The following DOCK4 variants were observed in gnomAD, a reference collection of about 807,000 sequenced individuals.
DOCK4 encodes dedicator of cytokinesis protein 4.
In DOCK4, 97 loss-of-function variants were observed where a neutral mutation model predicts 268.1. That is an observed-to-expected ratio of 0.36 (90% confidence interval 0.31 to 0.43). DOCK4 has a LOEUF of 0.43. Among genes scored for constraint, DOCK4 ranks in the 20% least tolerant of loss-of-function variants. The pLI is 1.00. For synonymous variants in DOCK4, 954 were observed against 887.2 expected, an observed-to-expected ratio of 1.08 and a Z score of -1.34; for missense variants, 2,145 against 2,455.7, an observed-to-expected ratio of 0.87 and a Z score of 2.67.
chr7:111,770,549 G>T (rs764767238), intron 36 of DOCK4, among the ~76,000 whole-genome samples: 1 of 152,142 alleles, frequency 6.6e-6, no homozygotes, highest in African/African-American at 2.4e-5. Flanking sequence ...TATTTGACAG[G>T]ATACTTGCCA....
intron 22 of DOCK4, among the ~76,000 whole-genome samples, chr7:111,865,047 G>T (rs908393321): frequency 2.0e-5 from 3 of 152,198 alleles, no homozygotes; most frequent in African/African-American, 7.2e-5. Flanking sequence ...AGTTTTTACT[G>T]CAAGTGAAAA....
chr7:111,823,784 C>G (rs1013387733), intron 26 of DOCK4, among the ~76,000 whole-genome samples: 2 of 152,046 alleles, frequency 1.3e-5, no homozygotes, highest in Admixed American at 6.6e-5. Flanking sequence ...TAAAAAGCAA[C>G]CCCAAACACA....
At chr7:112,018,179 A>AAAAAAAAAAAAACACACAC in intron 1 of DOCK4, among the ~76,000 whole-genome samples, 1 of 72,590 alleles carries the variant, frequency 1.4e-5, no homozygotes, top group African/African-American at 5.4e-5. Context: ...AAAAAAAAAA[A>AAAAAAAAAAAAACACACAC]ACACAGGCAA....
chr7:112,194,843 T>G (rs1820274254), intron 1 of DOCK4, among the ~76,000 whole-genome samples: 1 of 152,232 alleles, frequency 6.6e-6, no homozygotes, highest in Non-Finnish European at 1.5e-5. Context: ...TACAATAATT[T>G]CTACATAGTG....
chr7:112,055,909 TA>T lies in DOCK4; in HGVS notation c.38-51779del, dbSNP rs1230725517. Among the ~76,000 whole-genome samples, 821 of 123,454 alleles carry T rather than the reference TA, an allele frequency of 6.7e-3. 7 individuals carry two copies. The highest frequency in any genetic ancestry group is 0.045 in the Middle Eastern group (10 of 222). The allele number at this position is 123,454 out of a possible 152,430, so 81.0% of individuals were successfully genotyped here. A position where few individuals can be genotyped will look rare whatever the true frequency, so the allele number is the denominator to read the frequency against. On this transcript the variant is annotated intron_variant, in intron 1 of 52. Transcript: ENST00000428084. The stretch of plus-strand genomic sequence containing the variant: ...CTGAGTGACAGAAGGAGATTCTGTC[TA>T]AAAAAAAAAAAAACCTTTCCTAAAG...
intron 1 of DOCK4, among the ~76,000 whole-genome samples, chr7:112,164,469 A>G (rs936164885): frequency 6.6e-6 from 1 of 152,204 alleles, no homozygotes; most frequent in Admixed American, 6.5e-5. Flanking sequence ...TAATAATAAT[A>G]CTCATAGCTG....
At chr7:111,918,333 C>T (rs2134555674) in intron 12 of DOCK4, among the ~76,000 whole-genome samples, 1 of 152,282 alleles carries the variant, frequency 6.6e-6, no homozygotes, top group East Asian at 1.9e-4. Context: ...TTTAACCTAA[C>T]TACCCCTTAT....
intron 1 of DOCK4, among the ~76,000 whole-genome samples, chr7:112,160,826 T>C (rs1817047783): frequency 6.6e-6 from 1 of 152,216 alleles, no homozygotes; most frequent in Non-Finnish European, 1.5e-5. Context: ...GCGGCATTCA[T>C]CAGTTTACAT....
chr7:112,151,713 G>C (rs1816094438), intron 1 of DOCK4, among the ~76,000 whole-genome samples: 1 of 150,312 alleles, frequency 6.7e-6, no homozygotes, highest in South Asian at 2.1e-4. Flanking sequence ...TTATTTAAAT[G>C]AATGTCTCTT....
chr7:111,813,589 T>C lies in DOCK4; in HGVS notation c.2931-1640A>G, dbSNP rs1305375230. On this transcript the variant is annotated intron_variant, in intron 27 of 52. Coordinates refer to ENST00000428084, the MANE Select transcript of DOCK4 (RefSeq NM_001363540.2). ...GTGTGCATTTTACATATGTCATATG[T>C]ACCTTTCAGTGAATCTTATTATTAA... Among the ~76,000 whole-genome samples, 6 of 152,348 alleles carry C rather than the reference T, an allele frequency of 3.9e-5. No homozygotes were observed. The South Asian group carries it at 1.2e-3, about 32-fold the overall frequency.
At chr7:112,002,362 T>C (rs961539900) in intron 2 of DOCK4, among the ~76,000 whole-genome samples, 2 of 152,224 alleles carry the variant, frequency 1.3e-5, no homozygotes, top group Non-Finnish European at 2.9e-5. Flanking sequence ...AATTATACTA[T>C]ACAGAAAAAG....
chr7:111,996,815 C>T (rs572012661), intron 4 of DOCK4, among the ~76,000 whole-genome samples: 7 of 152,296 alleles, frequency 4.6e-5, no homozygotes, highest in South Asian at 2.1e-4. Context: ...AAAAAAAGGA[C>T]GTACTTATTT....
chr7:112,050,926 T>C (rs1012120166), intron 1 of DOCK4, among the ~76,000 whole-genome samples: 1 of 152,156 alleles, frequency 6.6e-6, no homozygotes, highest in African/African-American at 2.4e-5. Context: ...TTTCTGATAA[T>C]GGCATTATAC....
At chr7:111,900,281 C>G in intron 15 of DOCK4, 93 bp downstream of exon 15, 1 of 1,384,144 alleles carries the variant, frequency 7.2e-7, no homozygotes, top group Non-Finnish European at 9.8e-7. Context: ...CAAAAGTAAT[C>G]AACTTAAGAT....
Position 111,926,286 on chromosome 7 carries a change from C to T in DOCK4, c.1066+9254G>A, listed in dbSNP as rs568462397. Among the ~76,000 whole-genome samples, 55 of 143,358 alleles carry T rather than the reference C, an allele frequency of 3.8e-4. 1 individual carries two copies. The highest frequency in any genetic ancestry group is 3.8e-3 in the Middle Eastern group (1 of 266). The allele number at this position is 143,358 out of a possible 152,430, so 94.0% of individuals were successfully genotyped here. ...ACAATGAATAAATAAATAAATAAGC[C>T]GAGCATGGTGGCGCGCCGCCTGTAG... On this transcript the variant is annotated intron_variant, in intron 12 of 52. Transcript: ENST00000428084.
At position 111,872,646 on chromosome 7, in the gene DOCK4, A is replaced by C. The variant is rs1041284649; in HGVS notation, c.1745-82T>G. The C allele has an allele frequency of 2.9e-5, 35 of 1,191,492 alleles. No individual in the cohort carries two copies. The South Asian group carries it at 5.3e-4, about 18-fold the overall frequency. 73.8% of individuals were successfully genotyped at this position (1,191,492 alleles called of 1,614,324 possible). On this transcript the variant is annotated intron_variant, in intron 17 of 52. Transcript: ENST00000428084. ...AAAGCGTTCTGCTAGTAAAAGTAAAATTCTTAACACATGTGGCTCCCCTCT... is the reference window on the plus strand; with the variant it reads ...AAAGCGTTCTGCTAGTAAAAGTAAACTTCTTAACACATGTGGCTCCCCTCT...
At chr7:111,951,628 T>C (rs1463483222) in intron 8 of DOCK4, among the ~76,000 whole-genome samples, 1 of 147,154 alleles carries the variant, frequency 6.8e-6, no homozygotes, top group Non-Finnish European at 1.5e-5. Flanking sequence ...GGTCAACATA[T>C]TGGAAACCCC....
Position 111,984,070 on chromosome 7 carries a change from A to G in DOCK4, c.549+236T>C, listed in dbSNP as rs1798850128. 3.9e-5 allele frequency among the ~76,000 whole-genome samples: 6 copies of G among 152,146 alleles called. No homozygotes were observed. In the South Asian group the frequency reaches 1.2e-3, roughly 31 times the overall value. ...GCAAAAGAACTGAAAACATCTTTGT[A>G]TTGACTTCCTGGTGCCTGGGCGTTG... On this transcript the variant is annotated intron_variant, in intron 7 of 52. Transcript: ENST00000428084.
At chr7:112,042,545 C>G (rs959582003) in intron 1 of DOCK4, among the ~76,000 whole-genome samples, 8 of 151,742 alleles carry the variant, frequency 5.3e-5, no homozygotes, top group African/African-American at 1.9e-4. Context: ...CCACGAATGA[C>G]AAAAAAACAG....
Sources: gnomAD v4.1 joint callset for allele counts (sites outside exome capture counted in the v4.1 genomes callset) on GRCh38, gnomAD v4.1.1 for gene constraint, MANE v1.5 for transcripts, NCBI Gene and HGNC (gene_info 2026-07-23, HGNC 2026-07-21) for gene names.